CSMD1: variants seen among roughly 807,000 people sequenced by gnomAD.
The protein encoded by CSMD1 is CUB and sushi domain-containing protein 1.
CSMD1 carries 213 observed loss-of-function variants against 417.5 expected under a neutral mutation model. The observed-to-expected ratio is 0.51, with a 90% confidence interval of 0.46 to 0.57. The LOEUF (loss-of-function observed/expected upper bound fraction) is 0.57. Ranked by LOEUF, CSMD1 falls within the 20% of genes least tolerant of loss-of-function variation. The probability of loss-of-function intolerance (pLI) is 0.00; values close to 1 mark genes in which losing one functional copy is unlikely to be tolerated. For missense variants in CSMD1, 6,923 were observed against 4,529.7 expected (o/e 1.53, Z -15.17); for synonymous variants, 2,862 against 1,736.8 (o/e 1.65, Z -16.11).
intron 34 of CSMD1, 107 bp downstream of exon 34, chr8:3,189,805 G>C: frequency 1.0e-6 from 1 of 987,402 alleles, no homozygotes; most frequent in Non-Finnish European, 1.5e-6. Context: ...CCCTTTAAAT[G>C]GGTCATGAGC....
rs550147448 is a variant in CSMD1, at chr8:4,040,447, C to G, written c.416-8348G>C. ...TAACTGTTAAGAACTGGTAGTAGAG[C>G]TTGCATATGATGATGGATTCAGAAT... On this transcript the variant is annotated intron_variant, in intron 3 of 69. Coordinates refer to ENST00000635120, the MANE Select transcript of CSMD1 (RefSeq NM_033225.6). 1.6e-4 allele frequency among the ~76,000 whole-genome samples: 24 copies of G among 152,270 alleles called. No individual in the cohort carries two copies. In the South Asian group the frequency reaches 4.4e-3, roughly 28 times the overall value.
chr8:3,172,276 C>A (rs1820625128), intron 37 of CSMD1, among the ~76,000 whole-genome samples: 1 of 152,194 alleles, frequency 6.6e-6, no homozygotes, highest in East Asian at 1.9e-4. Flanking sequence ...CACAAATGTG[C>A]TGGGTTCTTT....
At chr8:4,929,645 A>C (rs1404692797) in intron 1 of CSMD1, among the ~76,000 whole-genome samples, 1 of 152,174 alleles carries the variant, frequency 6.6e-6, no homozygotes, top group Admixed American at 6.5e-5. Context: ...TGATTCAATT[A>C]ACTGACACAT....
At chr8:4,025,294 C>G (rs1436091938) in intron 4 of CSMD1, among the ~76,000 whole-genome samples, 1 of 152,158 alleles carries the variant, frequency 6.6e-6, no homozygotes, top group Non-Finnish European at 1.5e-5. Context: ...ATCCAAAATC[C>G]ACACAGTGGA....
chr8:4,061,108 G>A (rs972148099), intron 3 of CSMD1, among the ~76,000 whole-genome samples: 4 of 152,152 alleles, frequency 2.6e-5, no homozygotes, highest in African/African-American at 4.8e-5. Context: ...ATCTTATGGA[G>A]AATATAAAGA....
chr8:3,932,195 G>T (rs779749623), intron 5 of CSMD1, among the ~76,000 whole-genome samples: 2 of 150,382 alleles, frequency 1.3e-5, no homozygotes, highest in East Asian at 3.9e-4. Context: ...CTGTTTCATC[G>T]ATACTTTGGT....
chr8:3,251,057 C>G (rs1585798089), intron 26 of CSMD1, among the ~76,000 whole-genome samples: 1 of 152,242 alleles, frequency 6.6e-6, no homozygotes, highest in East Asian at 1.9e-4. Flanking sequence ...TGCAGAAGCT[C>G]TTTAGTTTAA....
At chr8:4,904,848 C>G (rs898144879) in intron 1 of CSMD1, among the ~76,000 whole-genome samples, 2 of 152,166 alleles carry the variant, frequency 1.3e-5, no homozygotes, top group African/African-American at 4.8e-5. Context: ...CAGCAATGAT[C>G]TGTAAATTAC....
chr8:4,955,602 T>C (rs1018394615), intron 1 of CSMD1, among the ~76,000 whole-genome samples: 4 of 152,122 alleles, frequency 2.6e-5, no homozygotes, highest in African/African-American at 9.6e-5. Flanking sequence ...ATTACAAGCA[T>C]GTACCACTAC....
intron 12 of CSMD1, among the ~76,000 whole-genome samples, chr8:3,414,762 G>A (rs73657864): frequency 0.028 from 4,218 of 152,172 alleles, 109 homozygotes; most frequent in East Asian, 0.096. Flanking sequence ...TTCTTTTAGT[G>A]CCTGAGGGTG....
intron 3 of CSMD1, among the ~76,000 whole-genome samples, chr8:4,171,893 G>C (rs1020472599): frequency 3.9e-5 from 6 of 152,026 alleles, no homozygotes; most frequent in African/African-American, 1.5e-4. Flanking sequence ...GAATGCAATT[G>C]TCTGCATGTT....
intron 1 of CSMD1, among the ~76,000 whole-genome samples, chr8:4,975,659 G>C (rs73497739): frequency 1.3e-5 from 2 of 152,198 alleles, no homozygotes; most frequent in Non-Finnish European, 2.9e-5. Context: ...CTGAAGTGAG[G>C]TAACGGTAAT....
At chr8:4,356,984 T>C (rs985306512) in intron 3 of CSMD1, among the ~76,000 whole-genome samples, 9 of 152,258 alleles carry the variant, frequency 5.9e-5, no homozygotes, top group Admixed American at 3.9e-4. Flanking sequence ...TATGTGAATA[T>C]GTGAATATAT....
chr8:4,541,584 C>A (rs1330396228), intron 2 of CSMD1, among the ~76,000 whole-genome samples: 2 of 151,804 alleles, frequency 1.3e-5, no homozygotes, highest in African/African-American at 4.8e-5. Flanking sequence ...CCTGTCTGTA[C>A]TAAAAATGCA....
intron 26 of CSMD1, among the ~76,000 whole-genome samples, chr8:3,259,143 G>A (rs1476717289): frequency 6.6e-6 from 1 of 152,172 alleles, no homozygotes; most frequent in African/African-American, 2.4e-5. Flanking sequence ...AAGGGCTAGG[G>A]CCATATTGAG....
chr8:4,424,359 C>G (rs184743836), intron 2 of CSMD1, among the ~76,000 whole-genome samples: 130 of 151,652 alleles, frequency 8.6e-4, no homozygotes, highest in Middle Eastern at 6.9e-3. Context: ...GGCAAACAAT[C>G]CAATTAGAAA....
chr8:2,992,802 G>T (rs1394834764), intron 54 of CSMD1, among the ~76,000 whole-genome samples: 2 of 151,960 alleles, frequency 1.3e-5, no homozygotes, highest in Non-Finnish European at 2.9e-5. Flanking sequence ...GAAGTGCCGT[G>T]TCTTGGCTCA....
intron 3 of CSMD1, among the ~76,000 whole-genome samples, chr8:4,125,316 A>T (rs1422090759): frequency 6.6e-6 from 1 of 152,158 alleles, no homozygotes. Flanking sequence ...TGGAAAAGCT[A>T]ATTAGAAACT....
At chr8:4,199,446 A>G (rs1490782634) in intron 3 of CSMD1, among the ~76,000 whole-genome samples, 2 of 152,208 alleles carry the variant, frequency 1.3e-5, no homozygotes, top group Non-Finnish European at 2.9e-5. Flanking sequence ...AGTCTATTGC[A>G]TCTCAGTTTC....
Sources: allele counts gnomAD v4.1 joint callset (sites outside exome capture counted in the v4.1 genomes callset), GRCh38; gene constraint gnomAD v4.1.1; transcripts MANE v1.5; gene names NCBI Gene and HGNC (gene_info 2026-07-23, HGNC 2026-07-21).